The following COL22A1 variants were observed in gnomAD, a reference collection of about 807,000 sequenced individuals.
COL22A1 encodes collagen type XXII alpha 1 chain.
Under a neutral mutation model 248.9 loss-of-function variants are expected in COL22A1, and 221 were observed. The observed-to-expected ratio is 0.89, with a 90% CI of 0.80 to 0.99. The LOEUF is 0.99. Ranked by LOEUF, COL22A1 falls within the 50% of genes least tolerant of loss-of-function variation. COL22A1 has a pLI of 0.00. For missense variants in COL22A1, 2,240 were observed against 2,179.0 expected (o/e 1.03, Z -0.56); for synonymous variants, 891 against 793.4 (o/e 1.12, Z -2.07).
In COL22A1 at chr8:138,772,857, G is replaced by A. The variant is rs369037607; in HGVS notation, c.1803+3109C>T. Among the ~76,000 whole-genome samples the A allele has an allele frequency of 1.2e-4, 18 of 152,134 alleles. No individual in the cohort carries two copies. In the East Asian group the frequency reaches 2.5e-3, roughly 21 times the overall value. On this transcript the variant is annotated intron_variant, in intron 16 of 64. Transcript: ENST00000303045. The stretch of plus-strand genomic sequence containing the variant: ...AGCCTGGGCAACAGAGTGAGACTCC[G>A]TCTCAGAAAAAATAAAACAAAAAAC...
chr8:138,708,622 A>G (rs1041887087), intron 30 of COL22A1, among the ~76,000 whole-genome samples: 3 of 152,242 alleles, frequency 2.0e-5, no homozygotes, highest in African/African-American at 7.2e-5. Flanking sequence ...CTTACACCTT[A>G]TACAAAAATT....
chr8:138,890,179 C>T (rs1424204751), intron 1 of COL22A1, among the ~76,000 whole-genome samples: 4 of 151,960 alleles, frequency 2.6e-5, no homozygotes. Flanking sequence ...TTTGACAAAA[C>T]CCAGCACCCT....
At chr8:138,831,751 C>T (rs555024614) in intron 5 of COL22A1, among the ~76,000 whole-genome samples, 28 of 151,524 alleles carry the variant, frequency 1.8e-4, no homozygotes, top group Admixed American at 5.3e-4. Context: ...CAGGGACCTT[C>T]CTCTTCCTGG....
At position 138,616,021 on chromosome 8, in the gene COL22A1, C is replaced by T; in HGVS notation, c.3904G>A (p.Glu1302Lys). 6.2e-7 allele frequency: 1 copy of T among 1,613,588 alleles called. No homozygotes were observed. Among genetic ancestry groups the T allele is most frequent in the Non-Finnish European group, 8.5e-7 (1 of 1,179,678 alleles). ...ESGAMGLPGQ[E>K]GLPGKDGDTG... Reference sequence around the variant, plus strand: ...CTTACATCTTTTCCTGGTAACCCTTCCTGACCAGGAAGCCCCATGGCACCA... The same window carrying T: ...CTTACATCTTTTCCTGGTAACCCTTTCTGACCAGGAAGCCCCATGGCACCA... Residue 1302 changes from glutamate (E) to lysine (K), a missense_variant, in exon 55 of 65, where the codon GAA becomes AAA. Glu to Lys is a moderately conservative substitution (Grantham distance 56, BLOSUM62 1). Coordinates refer to ENST00000303045, the MANE Select transcript of COL22A1 (RefSeq NM_152888.3).
At chr8:138,612,935 C>CAAAA (rs56824708) in intron 56 of COL22A1, among the ~76,000 whole-genome samples, 1 of 40,904 alleles carries the variant, frequency 2.4e-5, no homozygotes, top group Non-Finnish European at 3.9e-5. Flanking sequence ...GACTCCATCT[C>CAAAA]AAAAAAAAAA....
intron 43 of COL22A1, among the ~76,000 whole-genome samples, chr8:138,661,007 GACACACACACGCACAT>G (rs1823884623): frequency 7.3e-6 from 1 of 136,382 alleles, no homozygotes; most frequent in Non-Finnish European, 1.5e-5. Context: ...CACATACACA[GACACACACACGCACAT>G]ACACACACAT....
rs535743351 is a variant in COL22A1, at chr8:138,762,573, G to T, written c.1804-107C>A. On this transcript the variant is annotated intron_variant, in intron 16 of 64. Coordinates refer to ENST00000303045, the MANE Select transcript of COL22A1 (RefSeq NM_152888.3). ...CATGGACAAGGAGGGTGGGGAAAAGGTGCCAAACGCACGTGCACACACACA... is the reference window on the plus strand; with the variant it reads ...CATGGACAAGGAGGGTGGGGAAAAGTTGCCAAACGCACGTGCACACACACA... 2.8e-4 allele frequency: 275 copies of T among 967,662 alleles called. 4 individuals carry two copies. The South Asian group carries it at 3.8e-3, about 13-fold the overall frequency. 59.9% of individuals were successfully genotyped at this position (967,662 alleles called of 1,614,324 possible).
chr8:138,637,299 G>C (rs1312376641), intron 47 of COL22A1, among the ~76,000 whole-genome samples: 1 of 152,120 alleles, frequency 6.6e-6, no homozygotes, highest in Admixed American at 6.5e-5. Flanking sequence ...GTGAGGGTGA[G>C]GGAGAAGGAG....
intron 62 of COL22A1, among the ~76,000 whole-genome samples, chr8:138,596,250 A>G (rs766237446): frequency 1.3e-4 from 20 of 152,314 alleles, no homozygotes; most frequent in Non-Finnish European, 2.2e-4. Context: ...GGGACTTAAC[A>G]ATGAGTCAAT....
At position 138,714,921 on chromosome 8, in the gene COL22A1, G is replaced by A. The variant is rs139672737; in HGVS notation, c.2517+761C>T. Among the ~76,000 whole-genome samples, 553 of 152,234 alleles carry A rather than the reference G, an allele frequency of 3.6e-3. 4 individuals carry two copies. Among genetic ancestry groups the A allele is most frequent in the African/African-American group, 0.013 (526 of 41,546 alleles). Reference sequence around the variant, plus strand: ...GGCACATGGGGTTTTTGCTCAGCTCGTTCTTCACACCCCGCTGGTGCCTCC... The same window carrying A: ...GGCACATGGGGTTTTTGCTCAGCTCATTCTTCACACCCCGCTGGTGCCTCC... On this transcript the variant is annotated intron_variant, in intron 30 of 64. Coordinates refer to ENST00000303045, the MANE Select transcript of COL22A1 (RefSeq NM_152888.3).
At chr8:138,709,694 A>C (rs1031575505) in intron 30 of COL22A1, among the ~76,000 whole-genome samples, 11 of 151,968 alleles carry the variant, frequency 7.2e-5, no homozygotes, top group African/African-American at 2.7e-4. Context: ...GTAAATGACA[A>C]GTTAATGGTG....
Position 138,755,049 on chromosome 8 carries a change from G to A in COL22A1, c.2031+108C>T, listed in dbSNP as rs1056236721. On this transcript the variant is annotated intron_variant, in intron 21 of 64. Coordinates refer to ENST00000303045, the MANE Select transcript of COL22A1 (RefSeq NM_152888.3). ...CACAACCCACTCAGGTGATGTGAAGGCGCTTGAGATAATGCCATGCTCAGC... is the reference window on the plus strand; with the variant it reads ...CACAACCCACTCAGGTGATGTGAAGACGCTTGAGATAATGCCATGCTCAGC... The A allele has an allele frequency of 7.2e-6, 8 of 1,107,582 alleles. No homozygotes were observed. The African/African-American group carries it at 1.2e-4, about 17-fold the overall frequency. The allele number at this position is 1,107,582 out of a possible 1,614,324, so 68.6% of individuals were successfully genotyped here.
chr8:138,608,126 A>C (rs770825412), intron 56 of COL22A1, 137 bp from the exon 57 acceptor site: 2 of 591,406 alleles, frequency 3.4e-6, no homozygotes, highest in Non-Finnish European at 5.8e-6. Context: ...TCAGTCTACC[A>C]CTTCATTACT....
intron 43 of COL22A1, among the ~76,000 whole-genome samples, chr8:138,661,018 G>C (rs199635327): frequency 5.9e-5 from 3 of 50,762 alleles, no homozygotes; most frequent in African/African-American, 2.0e-4. Context: ...ACACACACAC[G>C]CACATACACA....
In COL22A1 at chr8:138,613,917, C is replaced by T. The variant is rs771553815; in HGVS notation, c.3928G>A (p.Asp1310Asn). ...GQEGLPGKDG[D>N]TGPTGPQGPQ... Reference sequence around the variant, plus strand: ...CCCTGTGGCCCAGTGGGTCCAGTGTCACCCTGGAACAAAGACAGAGAGATG... The same window carrying T: ...CCCTGTGGCCCAGTGGGTCCAGTGTTACCCTGGAACAAAGACAGAGAGATG... The change falls in exon 56 of 65, where the codon GAC becomes AAC. Residue 1310 changes from aspartate to asparagine, a missense_variant. Transcript: ENST00000303045. The T allele has an allele frequency of 6.2e-7, 1 of 1,611,782 alleles. No homozygotes were observed. Among genetic ancestry groups the T allele is most frequent in the South Asian group, 1.1e-5 (1 of 91,030 alleles).
chr8:138,707,345 T>G (rs973076897), intron 30 of COL22A1, among the ~76,000 whole-genome samples: 8 of 152,122 alleles, frequency 5.3e-5, no homozygotes, highest in African/African-American at 1.9e-4. Flanking sequence ...AAAAGAGAAT[T>G]TTAGACCAAT....
chr8:138,713,339 A>T (rs1377569847), intron 30 of COL22A1, among the ~76,000 whole-genome samples: 1 of 152,092 alleles, frequency 6.6e-6, no homozygotes, highest in Non-Finnish European at 1.5e-5. Context: ...TCTATGCCTT[A>T]GTTCTTTCAC....
At chr8:138,859,282 GCCCCCAGGAA>G (rs914763993) in intron 3 of COL22A1, among the ~76,000 whole-genome samples, 7 of 152,320 alleles carry the variant, frequency 4.6e-5, no homozygotes, top group Middle Eastern at 3.4e-3. Context: ...GGAGCATGGA[GCCCCCAGGAA>G]AGGGCAAGGA....
chr8:138,726,755 A>G (rs1830347724), intron 23 of COL22A1, among the ~76,000 whole-genome samples: 1 of 152,214 alleles, frequency 6.6e-6, no homozygotes, highest in Non-Finnish European at 1.5e-5. Context: ...ATGACAGCCA[A>G]CAGTTCCACA....
Sources: gnomAD v4.1 joint callset for allele counts (sites outside exome capture counted in the v4.1 genomes callset) on GRCh38, gnomAD v4.1.1 for gene constraint, MANE v1.5 for transcripts, NCBI Gene and HGNC (gene_info 2026-07-23, HGNC 2026-07-21) for gene names.